PPP2R5A: variants seen among roughly 807,000 people sequenced by gnomAD.
PPP2R5A encodes the protein protein phosphatase 2 regulatory subunit B'alpha, also known as serine/threonine-protein phosphatase 2A 56 kDa regulatory subunit alpha isoform.
Under a neutral mutation model 64.2 loss-of-function variants are expected in PPP2R5A, and 25 were observed. The observed-to-expected ratio is 0.39, with a 90% CI of 0.28 to 0.54. PPP2R5A has a LOEUF of 0.54. PPP2R5A is among the 20% of genes least tolerant of loss of function. The pLI is 0.67. For missense variants in PPP2R5A, 425 were observed against 576.3 expected, an observed-to-expected ratio of 0.74 and a Z score of 2.69; for synonymous variants, 198 against 201.2, an observed-to-expected ratio of 0.98 and a Z score of 0.13.
chr1:212,312,755 C>T (rs1416444319), intron 1 of PPP2R5A, among the ~76,000 whole-genome samples: 1 of 152,048 alleles, frequency 6.6e-6, no homozygotes, highest in African/African-American at 2.4e-5. Flanking sequence ...TAATTTAAAA[C>T]CCCAACAGGG....
intron 1 of PPP2R5A, among the ~76,000 whole-genome samples, chr1:212,323,938 G>A (rs1659361173): frequency 6.6e-6 from 1 of 152,068 alleles, no homozygotes; most frequent in Admixed American, 6.6e-5. Flanking sequence ...CGGGTGTGGT[G>A]GTGAGTGCCT....
chr1:212,354,205 A>G (rs1659937718), intron 8 of PPP2R5A, among the ~76,000 whole-genome samples: 1 of 151,984 alleles, frequency 6.6e-6, no homozygotes, highest in African/African-American at 2.4e-5. Context: ...AATAAATAAA[A>G]ATAACAGGCT....
chr1:212,331,676 A>T (rs778788462), intron 2 of PPP2R5A: 1 of 152,210 alleles, frequency 6.6e-6, no homozygotes, highest in Non-Finnish European at 1.5e-5. Flanking sequence ...GCTTATATTC[A>T]GGAATTTTTA....
At chr1:212,355,211 T>C (rs550808450) in intron 8 of PPP2R5A, among the ~76,000 whole-genome samples, 40 of 152,194 alleles carry the variant, frequency 2.6e-4, no homozygotes, top group South Asian at 1.0e-3. Flanking sequence ...TATAAAGGTA[T>C]TGATTTTTAT....
Position 212,285,539 on chromosome 1 carries a change from C to T in PPP2R5A, c.-572C>T, listed in dbSNP as rs1163627383. ...GCGGCAAGGAGCGAGTGTGTGCACG[C>T]AGAGGGCCGGGGCTACGGGGCAGCG... On this transcript the variant is annotated 5_prime_UTR_variant, in exon 1 of 13. Transcript: ENST00000261461. 1 of 152,374 alleles carries T rather than the reference C, an allele frequency of 6.6e-6. No individual in the cohort carries two copies. The highest frequency in any genetic ancestry group is 1.5e-5 in the Non-Finnish European group (1 of 68,166). The allele number at this position is 152,374 out of a possible 1,614,324, so 9.4% of individuals were successfully genotyped here.
Position 212,286,941 on chromosome 1 carries a change from G to A in PPP2R5A, c.181+650G>A, listed in dbSNP as rs149063469. On this transcript the variant is annotated intron_variant, in intron 1 of 12. Transcript: ENST00000261461. Reference sequence around the variant, plus strand: ...CTTTAAATGGTATCCTTTAGCTCAAGGAATAGATTTAAAATATTCTGTTGT... The same window carrying A: ...CTTTAAATGGTATCCTTTAGCTCAAAGAATAGATTTAAAATATTCTGTTGT... Among the ~76,000 whole-genome samples, 392 of 152,332 alleles carry A rather than the reference G, an allele frequency of 2.6e-3. 2 individuals carry two copies. The highest frequency in any genetic ancestry group is 9.0e-3 in the African/African-American group (374 of 41,578).
intron 1 of PPP2R5A, among the ~76,000 whole-genome samples, chr1:212,317,694 AGT>A (rs1659184217): frequency 6.6e-6 from 1 of 152,178 alleles, no homozygotes; most frequent in Non-Finnish European, 1.5e-5. Context: ...ATTTCTTAAA[AGT>A]GTGAGCCAGG....
intron 1 of PPP2R5A, among the ~76,000 whole-genome samples, chr1:212,320,636 C>G (rs1397863157): frequency 6.8e-6 from 1 of 146,564 alleles, no homozygotes; most frequent in Non-Finnish European, 1.5e-5. Flanking sequence ...GACCTCCCTG[C>G]CTCCCTCCCC....
chr1:212,320,833 T>C (rs1357366789), intron 1 of PPP2R5A, among the ~76,000 whole-genome samples: 830 of 52,024 alleles, frequency 0.016, no homozygotes, highest in African/African-American at 0.021. Flanking sequence ...ACCTCCCTCC[T>C]GGACGGGGCG....
intron 1 of PPP2R5A, among the ~76,000 whole-genome samples, chr1:212,302,722 C>T (rs1460932507): frequency 1.3e-5 from 2 of 152,168 alleles, no homozygotes; most frequent in African/African-American, 4.8e-5. Flanking sequence ...AAAAAGATAT[C>T]CCATGCCCTT....
At chr1:212,292,770 G>T (rs189624977) in intron 1 of PPP2R5A, among the ~76,000 whole-genome samples, 57 of 152,222 alleles carry the variant, frequency 3.7e-4, no homozygotes, top group African/African-American at 1.1e-3. Flanking sequence ...TCGCTATGTT[G>T]TCCTGGCTGG....
In PPP2R5A at chr1:212,321,673, G is replaced by A. The variant is rs1221365717; in HGVS notation, c.182-7462G>A. 6.2e-5 allele frequency among the ~76,000 whole-genome samples: 9 copies of A among 145,846 alleles called. 1 individual carries two copies. Among genetic ancestry groups the A allele is most frequent in the Non-Finnish European group, 1.2e-4 (8 of 67,496 alleles). On this transcript the variant is annotated intron_variant, in intron 1 of 12. Coordinates refer to ENST00000261461, the MANE Select transcript of PPP2R5A (RefSeq NM_006243.4). ...CTCCTCACTTCCTAGATGGGATGGCGGCCGGGCAGAGACACTCCTCACTTT... is the reference window on the plus strand; with the variant it reads ...CTCCTCACTTCCTAGATGGGATGGCAGCCGGGCAGAGACACTCCTCACTTT...
intron 5 of PPP2R5A, 85 bp downstream of exon 5, chr1:212,346,018 T>C (rs1012961723): frequency 2.2e-5 from 29 of 1,347,716 alleles, no homozygotes; most frequent in Non-Finnish European, 2.7e-5. Flanking sequence ...ATTTGTTTTT[T>C]TGAGACAGGG....
Position 212,298,673 on chromosome 1 carries a change from C to G in PPP2R5A, c.181+12382C>G, listed in dbSNP as rs1478216704. On this transcript the variant is annotated intron_variant, in intron 1 of 12. Coordinates refer to ENST00000261461, the MANE Select transcript of PPP2R5A (RefSeq NM_006243.4). ...GCCGGGCAGAGGCGCCCCTCACCTC[C>G]CGGACGGGGCGGCTGGCCAGGCAGG... Among the ~76,000 whole-genome samples the G allele has an allele frequency of 3.7e-4, 2 of 5,400 alleles. 1 individual carries two copies. The highest frequency in any genetic ancestry group is 7.5e-3 in the South Asian group (2 of 268). The allele number at this position is 5,400 out of a possible 152,430, so 3.5% of individuals were successfully genotyped here. A position where few individuals can be genotyped will look rare whatever the true frequency, so the allele number is the denominator to read the frequency against.
Position 212,286,161 on chromosome 1 carries a change from C to T in PPP2R5A, c.51C>T (p.Ala17=), listed in dbSNP as rs781620872. The change falls in exon 1 of 13, where the codon GCC becomes GCT. Residue 17 remains alanine (A), a synonymous_variant. Transcript: ENST00000261461. The part of the protein sequence containing the change: ...PAGAASAAIS[A]SEKVDGFTRK... ...GGGCTGCCAGCGCCGCCATCTCGGC[C>T]TCGGAGAAAGTGGACGGCTTCACCC... 2.2e-5 allele frequency: 35 copies of T among 1,590,942 alleles called. No homozygotes were observed. Among genetic ancestry groups the T allele is most frequent in the Admixed American group, 1.0e-4 (6 of 57,848 alleles).
chr1:212,329,291 G>T lies in PPP2R5A; in HGVS notation c.338G>T (p.Gly113Val). Residue 113 changes from glycine (G) to valine (V), a missense_variant, in exon 2 of 13, where the codon GGT (glycine) becomes GTT (valine). By Grantham distance (109) the Gly-to-Val change is moderately radical. This residue lies in a region of PPP2R5A where 140 missense variants were observed against 204.4 expected (regional missense o/e 0.68). Coordinates refer to ENST00000261461, the MANE Select transcript of PPP2R5A (RefSeq NM_006243.4). ...ELVEYVSTNR[G>V]VIVESAYSDI... ...GTTGAGTATGTTTCAACTAATCGTG[G>T]TGTAATTGTTGAATCAGCGTATTCT... 6.2e-7 allele frequency: 1 copy of T among 1,607,638 alleles called. No individual in the cohort carries two copies. Among genetic ancestry groups the T allele is most frequent in the Non-Finnish European group, 8.5e-7 (1 of 1,178,182 alleles).
At chr1:212,346,196 C>T (rs1659773610) in intron 5 of PPP2R5A, among the ~76,000 whole-genome samples, 1 of 151,574 alleles carries the variant, frequency 6.6e-6, no homozygotes, top group South Asian at 2.1e-4. Flanking sequence ...GAGACAAGGT[C>T]TATGTACTGT....
At chr1:212,327,587 G>C (rs1370077473) in intron 1 of PPP2R5A, among the ~76,000 whole-genome samples, 41 of 151,932 alleles carry the variant, frequency 2.7e-4, no homozygotes, top group Admixed American at 2.7e-3. Context: ...GCTAATTTTT[G>C]TATTTTTAGT....
chr1:212,356,888 G>T, intron 9 of PPP2R5A, 62 bp from the exon 10 acceptor site: 1 of 1,389,106 alleles, frequency 7.2e-7, no homozygotes, highest in Non-Finnish European at 9.7e-7. Context: ...TCATTTGTAT[G>T]GTTTCTATAT....
Sources: allele counts gnomAD v4.1 joint callset (sites outside exome capture counted in the v4.1 genomes callset), GRCh38; gene constraint gnomAD v4.1.1; regional missense constraint gnomAD v4.1.1; transcripts MANE v1.5; gene names NCBI Gene and HGNC (gene_info 2026-07-23, HGNC 2026-07-21).